The following KLF8 variants were observed in gnomAD, a reference collection of about 807,000 sequenced individuals.
KLF8 encodes the protein KLF transcription factor 8.
Under a neutral mutation model 18.2 loss-of-function variants are expected in KLF8, and 10 were observed. The ratio of observed to expected loss-of-function variants is 0.55; its 90% CI spans 0.34 to 0.93. The LOEUF (loss-of-function observed/expected upper bound fraction) is 0.93, where lower values mean the gene tolerates loss of function less well. Ranked by LOEUF, KLF8 falls within the 40% of genes least tolerant of loss-of-function variation. KLF8 has a pLI of 0.02. For synonymous variants in KLF8, 109 were observed against 97.3 expected (o/e 1.12, Z -0.71); for missense variants, 264 against 277.9 (o/e 0.95, Z 0.36).
At chrX:56,033,352 T>A in the KLF8 span, among the ~76,000 whole-genome samples, 4 of 111,914 alleles carry the variant, frequency 3.6e-5, no homozygotes, top group African/African-American at 9.7e-5. Flanking sequence ...ATGACAGGAT[T>A]TTTTTCCTTT....
At chrX:56,083,655 C>T in the KLF8 span, among the ~76,000 whole-genome samples, 2 of 111,776 alleles carry the variant, frequency 1.8e-5, no homozygotes, top group African/African-American at 6.5e-5. Context: ...CAGATTAGTA[C>T]CAGTCAGTGG....
At chrX:55,958,366 T>TG in the KLF8 span, among the ~76,000 whole-genome samples, 2 of 112,220 alleles carry the variant, frequency 1.8e-5, no homozygotes, top group East Asian at 5.6e-4. Context: ...GAGACACTGT[T>TG]GCAGCATCAA....
chrX:56,216,252 T>A, the KLF8 span, among the ~76,000 whole-genome samples: 1,367 of 111,165 alleles, frequency 0.012, 15 homozygotes, highest in African/African-American at 0.043. Flanking sequence ...CCACATCCCC[T>A]TCCAATCAGT....
At chrX:55,946,733 C>T in the KLF8 span, among the ~76,000 whole-genome samples, 2 of 111,316 alleles carry the variant, frequency 1.8e-5, no homozygotes, top group African/African-American at 6.5e-5. Flanking sequence ...TCGCAACCTA[C>T]TCATCTGACA....
chrX:56,083,322 T>C, the KLF8 span, among the ~76,000 whole-genome samples: 33 of 112,320 alleles, frequency 2.9e-4, no homozygotes, highest in African/African-American at 1.0e-3. Context: ...AACATTAACA[T>C]GTATCTCATA....
chrX:56,174,252 T>C, the KLF8 span, among the ~76,000 whole-genome samples: 1 of 111,977 alleles, frequency 8.9e-6, no homozygotes, highest in East Asian at 2.8e-4. Context: ...TAGCTCTTTT[T>C]ATTTGGAGAT....
the KLF8 span, among the ~76,000 whole-genome samples, chrX:55,975,885 G>A: frequency 6.1e-4 from 68 of 111,756 alleles, no homozygotes; most frequent in African/African-American, 7.5e-4. Context: ...TGAGGCGGGC[G>A]GATCACCTGA....
At chrX:55,972,089 C>G in the KLF8 span, among the ~76,000 whole-genome samples, 4 of 111,556 alleles carry the variant, frequency 3.6e-5, no homozygotes, top group Non-Finnish European at 1.9e-5. Flanking sequence ...TATCTGCACT[C>G]TCATGTTTAT....
chrX:56,260,518 T>G (rs2066868857), intron 2 of KLF8, among the ~76,000 whole-genome samples: 1 of 111,994 alleles, frequency 8.9e-6, no homozygotes, highest in South Asian at 3.7e-4. Context: ...CATATACATA[T>G]GTACATACAT....
the KLF8 span, among the ~76,000 whole-genome samples, chrX:56,152,779 A>C: frequency 8.9e-6 from 1 of 111,910 alleles, no homozygotes; most frequent in African/African-American, 3.2e-5. Context: ...ATATCTCTAA[A>C]AGATACTGTT....
chrX:55,909,299 G>A, the KLF8 span, among the ~76,000 whole-genome samples: 1 of 112,638 alleles, frequency 8.9e-6, no homozygotes, highest in Admixed American at 9.3e-5. Flanking sequence ...TCTAATATCC[G>A]TGTGGTTCTT....
the KLF8 span, among the ~76,000 whole-genome samples, chrX:56,100,243 A>G: frequency 1.8e-5 from 2 of 111,111 alleles, no homozygotes; most frequent in African/African-American, 6.6e-5. Context: ...ATATCTGTTT[A>G]CAGCATAGTT....
At chrX:55,949,601 G>A in the KLF8 span, among the ~76,000 whole-genome samples, 1 of 103,139 alleles carries the variant, frequency 9.7e-6, no homozygotes, top group African/African-American at 3.4e-5. Flanking sequence ...GAACATCCTG[G>A]CCAACATGGT....
chrX:56,050,241 T>G, the KLF8 span, among the ~76,000 whole-genome samples: 381 of 111,529 alleles, frequency 3.4e-3, no homozygotes, highest in African/African-American at 9.5e-3. Context: ...TTAATTTTTT[T>G]AAGGGTTTTT....
the KLF8 span, among the ~76,000 whole-genome samples, chrX:56,021,686 C>T: frequency 4.6e-5 from 5 of 108,373 alleles, no homozygotes; most frequent in Non-Finnish European, 9.5e-5. Flanking sequence ...TCAGGAAATA[C>T]AAAGTACAGA....
At chrX:56,048,127 T>A in the KLF8 span, among the ~76,000 whole-genome samples, 1 of 112,004 alleles carries the variant, frequency 8.9e-6, no homozygotes, top group Non-Finnish European at 1.9e-5. Flanking sequence ...TGTTTTTTTC[T>A]TGTAAATTTG....
At chrX:56,050,827 G>C in the KLF8 span, among the ~76,000 whole-genome samples, 1 of 109,642 alleles carries the variant, frequency 9.1e-6, no homozygotes, top group African/African-American at 3.3e-5. Flanking sequence ...TATCCTTGTT[G>C]ACTTTCTGTC....
At chrX:56,174,988 T>C in the KLF8 span, among the ~76,000 whole-genome samples, 1 of 112,051 alleles carries the variant, frequency 8.9e-6, no homozygotes, top group African/African-American at 3.2e-5. Context: ...CTTCTCTCTT[T>C]TCTTCTTTAT....
the KLF8 span, among the ~76,000 whole-genome samples, chrX:56,128,944 A>G: frequency 1.1e-5 from 1 of 94,248 alleles, no homozygotes; most frequent in African/African-American, 3.4e-5. Flanking sequence ...AGTGTCTGCA[A>G]TGTGCAAAAA....
Sources: allele counts gnomAD v4.1 joint callset (sites outside exome capture counted in the v4.1 genomes callset), GRCh38; gene constraint gnomAD v4.1.1; transcripts MANE v1.5; gene names NCBI Gene and HGNC (gene_info 2026-07-23, HGNC 2026-07-21).